STARD9: variants seen among roughly 807,000 people sequenced by gnomAD.
STARD9 encodes the protein StAR related lipid transfer domain containing 9, also known as stAR-related lipid transfer protein 9.
Under a neutral mutation model 399.8 loss-of-function variants are expected in STARD9, and 346 were observed. The observed-to-expected ratio is 0.87, with a 90% CI of 0.79 to 0.95. The LOEUF (loss-of-function observed/expected upper bound fraction) is 0.95. Among genes scored for constraint, STARD9 ranks in the 40% least tolerant of loss-of-function variants. The pLI, the probability that STARD9 is intolerant of heterozygous loss-of-function variation, is 0.00. For synonymous variants in STARD9, 2,203 were observed against 2,143.5 expected (o/e 1.03, Z -0.77); for missense variants, 5,832 against 5,667.5 (o/e 1.03, Z -0.93).
rs748650929 is a variant in STARD9, at chr15:42,638,042, A to G, written c.401A>G (p.Glu134Gly). ...TTTGTGCAGGGTCTCTTCGTCAGGG[A>G]GAAAGACTGTGCCTCACTGCCTTCC... Reference protein sequence around the residue: ...PRICEGLFVREKDCASLPSSC... With the variant: ...PRICEGLFVRGKDCASLPSSC... Residue 134 changes from glutamate (E) to glycine (G), a missense_variant, in exon 6 of 33, where the codon GAG becomes GGG. By Grantham distance (98) the Glu-to-Gly change is moderately conservative. Coordinates refer to ENST00000290607, the MANE Select transcript of STARD9 (RefSeq NM_020759.3). 2.6e-6 allele frequency: 4 copies of G among 1,537,406 alleles called. No individual in the cohort carries two copies. In the South Asian group the frequency reaches 3.6e-5, roughly 14 times the overall value.
At chr15:42,580,406 T>G (rs1021818709) in intron 1 of STARD9, among the ~76,000 whole-genome samples, 2 of 152,252 alleles carry the variant, frequency 1.3e-5, no homozygotes, top group African/African-American at 4.8e-5. Context: ...CAAGCCTCTG[T>G]ATCCCTTCCT....
At position 42,685,125 on chromosome 15, in the gene STARD9, G is replaced by T. The variant is rs1412276920; in HGVS notation, c.3547G>T (p.Val1183Leu). The T allele has an allele frequency of 6.5e-7, 1 of 1,537,272 alleles. No individual in the cohort carries two copies. ...GQPRTRTRAS[V>L]RGFTAASDSD... ...ACCCAGGACCAGAACTAGAGCTTCT[G>T]TGAGGGGCTTCACTGCAGCCTCAGA... Residue 1183 changes from valine to leucine, a missense_variant, in exon 23 of 33, where the codon GTG (valine) becomes TTG (leucine). Physicochemically the swap from Val to Leu is conservative, Grantham distance 32. Around this residue, in one of 2 missense-constraint regions of STARD9, gnomAD observed 5,828 missense variants for 5,651.1 expected, o/e 1.03. Transcript: ENST00000290607.
intron 30 of STARD9, 58 bp from the exon 31 acceptor site, chr15:42,718,377 G>C (rs2061390298): frequency 7.0e-7 from 1 of 1,418,654 alleles, no homozygotes; most frequent in Non-Finnish European, 9.6e-7. Flanking sequence ...GACCAGGAAG[G>C]CTTTAGGACT....
Position 42,688,614 on chromosome 15 carries a change from T to C in STARD9, c.7036T>C (p.Cys2346Arg), listed in dbSNP as rs1449511524. ...PLNSPRWPRR[C>R]LHVPVALGIS... The stretch of plus-strand genomic sequence containing the variant: ...GAATTCTCCAAGGTGGCCAAGAAGG[T>C]GTCTTCATGTACCTGTTGCTCTAGG... The change falls in exon 23 of 33, where the codon TGT becomes CGT. Residue 2346 changes from cysteine to arginine, a missense_variant. Physicochemically the swap from Cys to Arg is radical, Grantham distance 180. Coordinates refer to ENST00000290607, the MANE Select transcript of STARD9 (RefSeq NM_020759.3). 6.5e-7 allele frequency: 1 copy of C among 1,537,464 alleles called. No homozygotes were observed.
intron 7 of STARD9, among the ~76,000 whole-genome samples, chr15:42,646,336 G>C (rs2059645032): frequency 6.6e-6 from 1 of 152,204 alleles, no homozygotes; most frequent in Non-Finnish European, 1.5e-5. Context: ...ATGGAAGCCT[G>C]ATTTGTCTAC....
In STARD9 at chr15:42,676,255, A is replaced by T. The variant is rs534938207; in HGVS notation, c.1874+280A>T. Among the ~76,000 whole-genome samples, 3 of 152,152 alleles carry T rather than the reference A, an allele frequency of 2.0e-5. No individual in the cohort carries two copies. The East Asian group carries it at 5.8e-4, about 29-fold the overall frequency. On this transcript the variant is annotated intron_variant, in intron 20 of 32. Coordinates refer to ENST00000290607, the MANE Select transcript of STARD9 (RefSeq NM_020759.3). ...TACATTATTTGATGTTCCTGTGGCC[A>T]CTTTTCTCTCTCCACAAAATTTAGC...
chr15:42,716,731 G>A lies in STARD9; in HGVS notation c.13339G>A (p.Gly4447Ser). 6.5e-7 allele frequency: 1 copy of A among 1,537,122 alleles called. No homozygotes were observed. Among genetic ancestry groups the A allele is most frequent in the Non-Finnish European group, 8.7e-7 (1 of 1,146,778 alleles). Residue 4447 changes from glycine to serine, a missense_variant, in exon 27 of 33, where the codon GGC becomes AGC. Physicochemically the swap from Gly to Ser is moderately conservative, Grantham distance 56 (BLOSUM62 0). This residue lies in a region of STARD9 where 5,828 missense variants were observed against 5,651.1 expected (regional missense o/e 1.03). Coordinates refer to ENST00000290607, the MANE Select transcript of STARD9 (RefSeq NM_020759.3). ...RDVWIGDERG[G>S]HSAVRKNSAY... Reference sequence around the variant, plus strand: ...TGTATGGATAGGGGATGAGCGAGGAGGCCATTCTGCAGTGAGGAAGAACTC... The same window carrying A: ...TGTATGGATAGGGGATGAGCGAGGAAGCCATTCTGCAGTGAGGAAGAACTC...
intron 7 of STARD9, among the ~76,000 whole-genome samples, chr15:42,639,590 A>G (rs1239354769): frequency 6.6e-6 from 1 of 152,186 alleles, no homozygotes; most frequent in Non-Finnish European, 1.5e-5. Context: ...GCCCAGGTGC[A>G]GTGGCTTACG....
At chr15:42,695,486 A>G (rs1393635538) in intron 25 of STARD9, among the ~76,000 whole-genome samples, 163 bp downstream of exon 25, 3 of 152,170 alleles carry the variant, frequency 2.0e-5, no homozygotes, top group African/African-American at 4.8e-5. Flanking sequence ...TTTTTACATC[A>G]TCACACCAGC....
Position 42,661,156 on chromosome 15 carries a change from A to G in STARD9, c.703-2A>G. ...ACAGGCTTTAAATGTTTTCTCCTCT[A>G]GGCAATCCTGGAGAACAACCTCCCT... On this transcript the variant is annotated splice_acceptor_variant, in intron 9 of 32. Transcript: ENST00000290607. LOFTEE classifies it high-confidence loss of function. 2 of 1,534,982 alleles carry G rather than the reference A, an allele frequency of 1.3e-6. No individual in the cohort carries two copies. The highest frequency in any genetic ancestry group is 1.7e-6 in the Non-Finnish European group (2 of 1,144,898).
At chr15:42,678,569 T>G (rs2060359273) in intron 20 of STARD9, among the ~76,000 whole-genome samples, 1 of 152,202 alleles carries the variant, frequency 6.6e-6, no homozygotes, top group South Asian at 2.1e-4. Flanking sequence ...CTGCTTCCGC[T>G]GCCACCACCG....
At chr15:42,671,093 G>A (rs932694184) in intron 16 of STARD9, 4 of 148,622 alleles carry the variant, frequency 2.7e-5, no homozygotes, top group African/African-American at 1.0e-4. Flanking sequence ...ACATGGAGAT[G>A]AATGATGAAC....
rs181631452 is a variant in STARD9 at position 42,591,173 on chromosome 15, A to G, written c.234+5536A>G. On this transcript the variant is annotated intron_variant, in intron 3 of 32. Coordinates refer to ENST00000290607, the MANE Select transcript of STARD9 (RefSeq NM_020759.3). ...CTCTACCCACTTGATGCCAGTAGCA[A>G]TCCCCCAACTGTGACAATAAAAAAC... Among the ~76,000 whole-genome samples the G allele has an allele frequency of 2.3e-3, 350 of 152,276 alleles. 3 individuals are homozygous for G. Among genetic ancestry groups the G allele is most frequent in the African/African-American group, 8.0e-3 (332 of 41,536 alleles).
intron 3 of STARD9, among the ~76,000 whole-genome samples, chr15:42,590,735 G>A (rs1019630867): frequency 6.6e-6 from 1 of 152,182 alleles, no homozygotes; most frequent in African/African-American, 2.4e-5. Flanking sequence ...AACAGAAGGG[G>A]AAGGAGACAG....
chr15:42,718,755 C>G lies in STARD9; in HGVS notation c.13846C>G (p.His4616Asp), dbSNP rs1277588277. Residue 4616 changes from histidine to aspartate, a missense_variant, in exon 32 of 33, where the codon CAC becomes GAC. Transcript: ENST00000290607. Reference sequence around the variant, plus strand: ...TCCCATTTCCCTCTGTCCCCAGGGTCACCTGTCTGTCATGGCAGCCCAGTC... The same window carrying G: ...TCCCATTTCCCTCTGTCCCCAGGGTGACCTGTCTGTCATGGCAGCCCAGTC... ...CCVCVEAKEG[H>D]LSVMAAQSVY... The G allele has an allele frequency of 2.0e-6, 3 of 1,537,088 alleles. No individual in the cohort carries two copies. Among genetic ancestry groups the G allele is most frequent in the Non-Finnish European group, 2.6e-6 (3 of 1,146,894 alleles).
Position 42,692,895 on chromosome 15 carries a change from C to G in STARD9, c.11317C>G (p.Gln3773Glu), listed in dbSNP as rs1169026528. 4 of 1,537,220 alleles carry G rather than the reference C, an allele frequency of 2.6e-6. No individual in the cohort carries two copies. The change falls in exon 23 of 33, where the codon CAA (glutamine) becomes GAA (glutamate). Residue 3773 changes from glutamine (Q) to glutamate (E), a missense_variant. Around this residue, in one of 2 missense-constraint regions of STARD9, gnomAD observed 5,828 missense variants for 5,651.1 expected, o/e 1.03. Transcript: ENST00000290607. ...GLGSDTSTVS[Q>E]EEGDVPGVPQ... is the part of the protein sequence containing the mutation. Reference sequence around the variant, plus strand: ...AGGCTCAGATACCTCGACTGTGTCTCAAGAAGAGGGAGATGTGCCAGGGGT... The same window carrying G: ...AGGCTCAGATACCTCGACTGTGTCTGAAGAAGAGGGAGATGTGCCAGGGGT...
chr15:42,622,350 CCT>C lies in STARD9; in HGVS notation c.235-12489_235-12488del, dbSNP rs141452327. Among the ~76,000 whole-genome samples the C allele has an allele frequency of 4.3e-3, 633 of 147,678 alleles. 7 individuals carry two copies. The highest frequency in any genetic ancestry group is 0.012 in the African/African-American group (507 of 40,692). On this transcript the variant is annotated intron_variant, in intron 3 of 32. Transcript: ENST00000290607. ...TCACCTGTAGCTCGCTCTCTCTCTC[CCT>C]CTCTCTCTCTCTCTCTGTCTCTCTC...
chr15:42,717,614 G>C, intron 28 of STARD9, 117 bp from the exon 29 acceptor site: 1 of 890,892 alleles, frequency 1.1e-6, no homozygotes, highest in Non-Finnish European at 1.8e-6. Context: ...GACAGAGCTA[G>C]ACCCTGTCTC....
At chr15:42,581,581 C>G in intron 1 of STARD9, 1 of 826,826 alleles carries the variant, frequency 1.2e-6, no homozygotes, top group Admixed American at 2.2e-5. Flanking sequence ...GAAAAGCGAG[C>G]TCTGCGCACT....
Sources: allele counts gnomAD v4.1 joint callset (sites outside exome capture counted in the v4.1 genomes callset), GRCh38; gene constraint gnomAD v4.1.1; regional missense constraint gnomAD v4.1.1; transcripts MANE v1.5; gene names NCBI Gene and HGNC (gene_info 2026-07-23, HGNC 2026-07-21).